The following PARD3B variants were observed in gnomAD, a reference collection of about 807,000 sequenced individuals.
PARD3B encodes the protein par-3 family cell polarity regulator beta.
PARD3B carries 103 observed loss-of-function variants against 130.2 expected under a neutral mutation model. That is an observed-to-expected ratio of 0.79 (90% CI 0.67 to 0.93). The LOEUF is 0.93. Among genes scored for constraint, PARD3B ranks in the 40% least tolerant of loss-of-function variants. The pLI, the probability that PARD3B is intolerant of heterozygous loss-of-function variation, is 0.00. For synonymous variants in PARD3B, 583 were observed against 553.2 expected, an observed-to-expected ratio of 1.05 and a Z score of -0.76; for missense variants, 1,609 against 1,499.2, an observed-to-expected ratio of 1.07 and a Z score of -1.21.
chr2:205,310,848 T>A (rs755066577), intron 18 of PARD3B, among the ~76,000 whole-genome samples: 5 of 149,188 alleles, frequency 3.4e-5, no homozygotes, highest in Non-Finnish European at 7.4e-5. Flanking sequence ...CTCAGCCTCC[T>A]GAGTAGCTGG....
In PARD3B at chr2:204,545,757, C is replaced by T. The variant is rs1294145820; in HGVS notation, c.-243C>T. 1.5e-5 allele frequency: 6 copies of T among 393,962 alleles called. No homozygotes were observed. Among genetic ancestry groups the T allele is most frequent in the Admixed American group, 9.8e-5 (2 of 20,496 alleles). The allele number at this position is 393,962 out of a possible 1,614,324, so 24.4% of individuals were successfully genotyped here. A position where few individuals can be genotyped will look rare whatever the true frequency, so the allele number is the denominator to read the frequency against. ...GCCGGTGCCGCGGAGCTGCCGCGTC[C>T]CGGGCCGCCGGGCACCTGGGAGGTA... On this transcript the variant is annotated 5_prime_UTR_variant, in exon 1 of 23. Transcript: ENST00000406610.
intron 2 of PARD3B, among the ~76,000 whole-genome samples, chr2:204,698,024 G>T (rs2037699301): frequency 6.6e-6 from 1 of 152,106 alleles, no homozygotes; most frequent in Non-Finnish European, 1.5e-5. Context: ...TCCAACAAGA[G>T]AAGAAATTCA....
chr2:204,927,791 A>G (rs1687733733), intron 2 of PARD3B, among the ~76,000 whole-genome samples: 1 of 152,100 alleles, frequency 6.6e-6, no homozygotes, highest in Admixed American at 6.6e-5. Context: ...TGGTTGAAGT[A>G]TTAGCAGAGC....
At chr2:204,840,315 C>CTT (rs1486888699) in intron 2 of PARD3B, among the ~76,000 whole-genome samples, 1 of 152,022 alleles carries the variant, frequency 6.6e-6, no homozygotes, top group Non-Finnish European at 1.5e-5. Flanking sequence ...TTTAGGAAAA[C>CTT]TTTTACCTAA....
intron 2 of PARD3B, among the ~76,000 whole-genome samples, chr2:204,923,752 A>G (rs531322211): frequency 6.6e-6 from 1 of 152,042 alleles, no homozygotes; most frequent in Non-Finnish European, 1.5e-5. Context: ...GCTAACTTTT[A>G]GAAAAAAGCA....
chr2:205,020,739 A>G (rs1343201528), intron 3 of PARD3B, among the ~76,000 whole-genome samples: 1 of 152,136 alleles, frequency 6.6e-6, no homozygotes, highest in Non-Finnish European at 1.5e-5. Flanking sequence ...TATTGACCCA[A>G]GCTGGCATCT....
chr2:205,302,157 C>T (rs1305649946), intron 18 of PARD3B, among the ~76,000 whole-genome samples: 1 of 149,896 alleles, frequency 6.7e-6, no homozygotes, highest in Non-Finnish European at 1.5e-5. Context: ...CAACCTCCGC[C>T]TCCTGGGTTC....
chr2:205,212,720 C>G (rs868508131), intron 15 of PARD3B, among the ~76,000 whole-genome samples: 7 of 152,096 alleles, frequency 4.6e-5, no homozygotes, highest in Admixed American at 1.3e-4. Context: ...TGCAATATGC[C>G]TCCAAAAGAA....
chr2:205,150,035 G>C (rs1009093436), intron 10 of PARD3B, among the ~76,000 whole-genome samples: 3 of 152,164 alleles, frequency 2.0e-5, no homozygotes, highest in Non-Finnish European at 4.4e-5. Context: ...ACCAGCCCTG[G>C]GCAGGTGCTG....
chr2:205,586,475 T>G (rs1210654923), intron 22 of PARD3B, among the ~76,000 whole-genome samples: 2 of 152,232 alleles, frequency 1.3e-5, no homozygotes, highest in Non-Finnish European at 2.9e-5. Flanking sequence ...CTGGAGAATA[T>G]TCTTCATCTC....
At chr2:204,780,930 G>C (rs1421613968) in intron 2 of PARD3B, among the ~76,000 whole-genome samples, 1 of 152,028 alleles carries the variant, frequency 6.6e-6, no homozygotes, top group African/African-American at 2.4e-5. Context: ...GCTCGGCAAG[G>C]ATTGCTGTCT....
intron 2 of PARD3B, among the ~76,000 whole-genome samples, chr2:204,763,982 T>C (rs1258439527): frequency 6.6e-6 from 1 of 152,168 alleles, no homozygotes; most frequent in Non-Finnish European, 1.5e-5. Context: ...AGTTTCTTTT[T>C]TGTGGAATTG....
chr2:205,025,871 T>G (rs906294565), intron 3 of PARD3B, among the ~76,000 whole-genome samples: 1 of 152,220 alleles, frequency 6.6e-6, no homozygotes, highest in Non-Finnish European at 1.5e-5. Flanking sequence ...CCTGTATTTC[T>G]GATTTGTCCA....
At position 205,585,888 on chromosome 2, in the gene PARD3B, G is replaced by T. The variant is rs997342274; in HGVS notation, c.3261-29568G>T. Among the ~76,000 whole-genome samples, 1 of 152,124 alleles carries T rather than the reference G, an allele frequency of 6.6e-6. No homozygotes were observed. Among genetic ancestry groups the T allele is most frequent in the Non-Finnish European group, 1.5e-5 (1 of 68,032 alleles). ...CGGCCACAGCAGGTCTGGTGGTCAC[G>T]GGAACCCACATCTTACATTCAACAG... On this transcript the variant is annotated intron_variant, in intron 22 of 22. Coordinates refer to ENST00000406610, the MANE Select transcript of PARD3B (RefSeq NM_001302769.2). The surrounding 1 kb of genome is among the most constrained non-coding windows in gnomAD (Gnocchi z 5.4).
At chr2:204,925,465 C>T (rs146667660) in intron 2 of PARD3B, among the ~76,000 whole-genome samples, 11 of 151,618 alleles carry the variant, frequency 7.3e-5, no homozygotes, top group East Asian at 3.9e-4. Context: ...GTCCATGTGA[C>T]GAAAACTGAC....
chr2:205,189,753 A>G (rs907636510), intron 14 of PARD3B, among the ~76,000 whole-genome samples: 2 of 152,182 alleles, frequency 1.3e-5, no homozygotes, highest in East Asian at 1.9e-4. Context: ...CTGGTGCTCT[A>G]TATGCCCACA....
chr2:205,175,715 T>A (rs1466650974), intron 12 of PARD3B, among the ~76,000 whole-genome samples: 1 of 152,182 alleles, frequency 6.6e-6, no homozygotes, highest in Non-Finnish European at 1.5e-5. Context: ...TAATTCTCTT[T>A]GCTCCAACCT....
rs1021957300 is a variant in PARD3B, at chr2:204,943,146, ATGTGTGTATGTGTG to A, written c.223-21992_223-21979del. Among the ~76,000 whole-genome samples, 5 of 152,000 alleles carry A rather than the reference ATGTGTGTATGTGTG, an allele frequency of 3.3e-5. No homozygotes were observed. Among genetic ancestry groups the A allele is most frequent in the Non-Finnish European group, 5.9e-5 (4 of 67,990 alleles). ...AAGAAAGAAGTTTTTCACATTCTTA[ATGTGTGTATGTGTG>A]TGTGTGTATGTGTATGCATATATAT... On this transcript the variant is annotated intron_variant, in intron 2 of 22. Transcript: ENST00000406610. This position sits in a 1 kb window ranked among gnomAD's most constrained non-coding sequence, Gnocchi z 4.2.
At chr2:205,108,488 A>T (rs189223457) in intron 5 of PARD3B, among the ~76,000 whole-genome samples, 1 of 151,114 alleles carries the variant, frequency 6.6e-6, no homozygotes, top group East Asian at 2.0e-4. Flanking sequence ...TCTCCTCGTT[A>T]TTCTCTCTCC....
Sources: gnomAD v4.1 joint callset for allele counts (sites outside exome capture counted in the v4.1 genomes callset) on GRCh38, gnomAD v4.1.1 for gene constraint, Gnocchi (gnomAD v3.1) non-coding constraint, MANE v1.5 for transcripts, NCBI Gene and HGNC (gene_info 2026-07-23, HGNC 2026-07-21) for gene names.